SLC44A1: variants seen among roughly 807,000 people sequenced by gnomAD.
SLC44A1 encodes choline transporter-like protein 1.
Under a neutral mutation model 79.3 loss-of-function variants are expected in SLC44A1, and 26 were observed. The observed-to-expected ratio is 0.33, with a 90% CI of 0.24 to 0.46. SLC44A1 has a LOEUF of 0.46. Among genes scored for constraint, SLC44A1 ranks in the 20% least tolerant of loss-of-function variants. The pLI is 1.00. For synonymous variants in SLC44A1, 263 were observed against 286.2 expected, an observed-to-expected ratio of 0.92 and a Z score of 0.82; for missense variants, 688 against 798.1, an observed-to-expected ratio of 0.86 and a Z score of 1.66.
At chr9:105,336,134 ATGTGTG>A (rs35324360) in intron 4 of SLC44A1, among the ~76,000 whole-genome samples, 3 of 144,986 alleles carry the variant, frequency 2.1e-5, no homozygotes, top group East Asian at 2.0e-4. Context: ...GTGTGTGTGC[ATGTGTG>A]TGTGTGTGTG....
At chr9:105,388,340 A>G (rs1828682618) in intron 15 of SLC44A1, among the ~76,000 whole-genome samples, 1 of 152,156 alleles carries the variant, frequency 6.6e-6, no homozygotes, top group Non-Finnish European at 1.5e-5. Context: ...AGAATTTAGG[A>G]TTGCTTATTT....
At chr9:105,359,239 G>A (rs1827712478) in intron 7 of SLC44A1, among the ~76,000 whole-genome samples, 1 of 152,086 alleles carries the variant, frequency 6.6e-6, no homozygotes, top group Non-Finnish European at 1.5e-5. Flanking sequence ...TGCTAGTAAG[G>A]AAAACTAAAT....
chr9:105,382,444 T>C (rs1039001121), intron 13 of SLC44A1, among the ~76,000 whole-genome samples: 3 of 152,206 alleles, frequency 2.0e-5, no homozygotes, highest in Non-Finnish European at 4.4e-5. Flanking sequence ...AGTCCAAATA[T>C]ACACTTCATG....
intron 13 of SLC44A1, among the ~76,000 whole-genome samples, chr9:105,379,040 C>G (rs1397680695): frequency 6.6e-6 from 1 of 152,142 alleles, no homozygotes; most frequent in Non-Finnish European, 1.5e-5. Flanking sequence ...TTTGGGAGGC[C>G]AAGGAGGGTG....
At chr9:105,408,244 C>A (rs1588873545) in intron 15 of SLC44A1, among the ~76,000 whole-genome samples, 1 of 152,118 alleles carries the variant, frequency 6.6e-6, no homozygotes, top group African/African-American at 2.4e-5. Context: ...TCTAGTAGAC[C>A]TGCCCTATGA....
chr9:105,335,356 T>C (rs1318429826), intron 3 of SLC44A1, among the ~76,000 whole-genome samples: 1 of 152,092 alleles, frequency 6.6e-6, no homozygotes, highest in Admixed American at 6.6e-5. Flanking sequence ...ATTAGAAAAA[T>C]AGATCATGAA....
intron 14 of SLC44A1, 139 bp from the exon 15 acceptor site, chr9:105,385,283 C>G (rs1343882743): frequency 6.3e-6 from 4 of 633,000 alleles, no homozygotes; most frequent in Non-Finnish European, 1.1e-5. Context: ...ATGTGTGATA[C>G]TAAACATTAT....
chr9:105,281,047 A>G (rs1364330206), intron 1 of SLC44A1, among the ~76,000 whole-genome samples: 1 of 152,198 alleles, frequency 6.6e-6, no homozygotes, highest in Non-Finnish European at 1.5e-5. Context: ...TCCTTTTTGT[A>G]GTTGCCTTCC....
intron 3 of SLC44A1, among the ~76,000 whole-genome samples, chr9:105,335,142 G>T (rs1429322321): frequency 6.6e-6 from 1 of 151,634 alleles, no homozygotes; most frequent in African/African-American, 2.4e-5. Context: ...TATATATAAT[G>T]AATGAATTAC....
At chr9:105,315,232 A>T (rs1372946778) in intron 3 of SLC44A1, among the ~76,000 whole-genome samples, 1 of 151,780 alleles carries the variant, frequency 6.6e-6, no homozygotes. Flanking sequence ...TGTCAAATAA[A>T]GAATATGAAT....
intron 2 of SLC44A1, 47 bp from the exon 3 acceptor site, chr9:105,309,677 G>T: frequency 1.9e-6 from 3 of 1,572,102 alleles, no homozygotes; most frequent in Non-Finnish European, 2.6e-6. Context: ...GTGACTGTTG[G>T]CTATTGAAAT....
intron 15 of SLC44A1, among the ~76,000 whole-genome samples, chr9:105,418,592 C>T (rs944013326): frequency 2.0e-5 from 3 of 152,130 alleles, no homozygotes; most frequent in Admixed American, 6.5e-5. Context: ...TAGCCCCCAC[C>T]CTTCCCACTC....
At chr9:105,259,702 A>C (rs1328755055) in intron 1 of SLC44A1, among the ~76,000 whole-genome samples, 1 of 152,214 alleles carries the variant, frequency 6.6e-6, no homozygotes, top group Non-Finnish European at 1.5e-5. Context: ...CCAAGTTTTA[A>C]GTATATTTTG....
chr9:105,315,769 A>G (rs982709501), intron 3 of SLC44A1, among the ~76,000 whole-genome samples: 1 of 152,218 alleles, frequency 6.6e-6, no homozygotes, highest in Admixed American at 6.5e-5. Context: ...TATAGATAAA[A>G]TATGCTAAAA....
At chr9:105,342,975 TA>T (rs534467462) in intron 4 of SLC44A1, among the ~76,000 whole-genome samples, 5,905 of 140,908 alleles carry the variant, frequency 0.042, 134 homozygotes, top group African/African-American at 0.07. Flanking sequence ...TCCTTGTCTC[TA>T]AAAAAAAAAA....
chr9:105,434,930 A>T (rs1564062579), intron 15 of SLC44A1, among the ~76,000 whole-genome samples: 2 of 152,232 alleles, frequency 1.3e-5, no homozygotes, highest in African/African-American at 4.8e-5. Context: ...GGATTGCTTG[A>T]GCCCAGGAGT....
chr9:105,305,964 T>C (rs776152411), intron 2 of SLC44A1, among the ~76,000 whole-genome samples: 27 of 151,666 alleles, frequency 1.8e-4, no homozygotes, highest in Non-Finnish European at 1.5e-5. Flanking sequence ...AATGAGTAAA[T>C]TGTCTTTCTC....
At chr9:105,422,589 T>C (rs977686582) in intron 15 of SLC44A1, among the ~76,000 whole-genome samples, 7 of 151,966 alleles carry the variant, frequency 4.6e-5, no homozygotes, top group Non-Finnish European at 7.4e-5. Flanking sequence ...CCCAGCCCCA[T>C]CCTTTATCAG....
rs894901617 is a variant in SLC44A1 at position 105,354,277 on chromosome 9, C to G, written c.501-1935C>G. 4.6e-5 allele frequency among the ~76,000 whole-genome samples: 7 copies of G among 151,644 alleles called. No homozygotes were observed. The South Asian group carries it at 1.5e-3, about 32-fold the overall frequency. ...GTGTTAGCCAGGATGGTCTCGATCT[C>G]CTGACCTCGTGATCCGCCCGCCTCG... On this transcript the variant is annotated intron_variant, in intron 5 of 15. Coordinates refer to ENST00000374720, the MANE Select transcript of SLC44A1 (RefSeq NM_080546.5).
Sources: gnomAD v4.1 joint callset for allele counts (sites outside exome capture counted in the v4.1 genomes callset) on GRCh38, gnomAD v4.1.1 for gene constraint, MANE v1.5 for transcripts, NCBI Gene and HGNC (gene_info 2026-07-23, HGNC 2026-07-21) for gene names.